Variants in FLT1 observed in about 807,000 individuals in gnomAD.
The protein encoded by FLT1 is vascular endothelial growth factor receptor 1.
In FLT1, 49 loss-of-function variants were observed where a neutral mutation model predicts 156.3. That is an observed-to-expected ratio of 0.31 (90% CI 0.25 to 0.40). The LOEUF (loss-of-function observed/expected upper bound fraction) is 0.40. Ranked by LOEUF, FLT1 falls within the 10% of genes least tolerant of loss-of-function variation. The pLI, the probability that FLT1 is intolerant of heterozygous loss-of-function variation, is 1.00. For missense variants in FLT1, 1,322 were observed against 1,637.2 expected, an observed-to-expected ratio of 0.81 and a Z score of 3.32; for synonymous variants, 594 against 583.8, an observed-to-expected ratio of 1.02 and a Z score of -0.25.
chr13:28,306,533 G>T, intron 29 of FLT1, 145 bp downstream of exon 29: 1 of 688,392 alleles, frequency 1.5e-6, no homozygotes, highest in Non-Finnish European at 2.7e-6. Context: ...TGCCCTCTGG[G>T]GGGAAATGGT....
intron 13 of FLT1, chr13:28,386,789 C>G: frequency 9.5e-7 from 1 of 1,053,290 alleles, no homozygotes. Flanking sequence ...AGAACAGTAT[C>G]ATATTATTAT....
chr13:28,335,158 A>G (rs1872069068), intron 17 of FLT1, among the ~76,000 whole-genome samples: 1 of 152,194 alleles, frequency 6.6e-6, no homozygotes, highest in Admixed American at 6.5e-5. Context: ...AGCTCAATAG[A>G]ACCCAGAGAA....
intron 1 of FLT1, among the ~76,000 whole-genome samples, chr13:28,477,579 C>T (rs913543443): frequency 2.6e-5 from 4 of 152,148 alleles, no homozygotes; most frequent in South Asian, 2.1e-4. Context: ...GGTAGACCTT[C>T]GTCTGGTTAT....
intron 14 of FLT1, among the ~76,000 whole-genome samples, chr13:28,375,373 A>G (rs1228375194): frequency 1.8e-5 from 2 of 113,698 alleles, no homozygotes; most frequent in Non-Finnish European, 3.6e-5. Context: ...AAGCGCATAA[A>G]GCAACATTTT....
chr13:28,388,839 C>T (rs983661086), intron 13 of FLT1: 4 of 1,062,004 alleles, frequency 3.8e-6, no homozygotes, highest in Admixed American at 5.4e-5. Flanking sequence ...TGATGAAGTT[C>T]CTTAAAATAA....
At chr13:28,321,980 GGCCAGATTTGAAAATAT>G (rs1444142188) in intron 22 of FLT1, among the ~76,000 whole-genome samples, 3 of 152,074 alleles carry the variant, frequency 2.0e-5, no homozygotes, top group African/African-American at 7.2e-5. Context: ...CTGAGATTTG[GGCCAGATTTGAAAATAT>G]GCCAGAGGAT....
chr13:28,469,707 C>T (rs184753516), intron 1 of FLT1, among the ~76,000 whole-genome samples: 2 of 152,226 alleles, frequency 1.3e-5, no homozygotes, highest in Admixed American at 6.5e-5. Context: ...TTAACATATG[C>T]TTTTCTGGTA....
intron 15 of FLT1, among the ~76,000 whole-genome samples, chr13:28,349,449 CACACACACACAT>C (rs1055997131): frequency 1.3e-5 from 2 of 150,468 alleles, no homozygotes; most frequent in South Asian, 2.1e-4. Context: ...CACACACACA[CACACACACACAT>C]GCGCACACGC....
At chr13:28,323,042 G>C (rs1871533393) in intron 20 of FLT1, 96 bp from the exon 21 acceptor site, 2 of 1,324,690 alleles carry the variant, frequency 1.5e-6, no homozygotes, top group Admixed American at 3.4e-5. Flanking sequence ...TGAGAAATGA[G>C]AGCGTTTCAC....
chr13:28,326,672 C>G (rs530810991), intron 20 of FLT1, among the ~76,000 whole-genome samples: 1 of 151,766 alleles, frequency 6.6e-6, no homozygotes, highest in African/African-American at 2.4e-5. Flanking sequence ...ATTACAGGCG[C>G]GGGCCACCAC....
intron 1 of FLT1, among the ~76,000 whole-genome samples, chr13:28,480,952 C>T (rs970554703): frequency 6.6e-6 from 1 of 152,200 alleles, no homozygotes; most frequent in Non-Finnish European, 1.5e-5. Context: ...ATGCGTTAGC[C>T]AGGACTTCAT....
chr13:28,411,439 G>A (rs1876167767), intron 10 of FLT1, among the ~76,000 whole-genome samples: 1 of 151,524 alleles, frequency 6.6e-6, no homozygotes, highest in Admixed American at 6.6e-5. Context: ...CCAGCTACTG[G>A]GGAGGCTGAG....
intron 13 of FLT1, chr13:28,386,895 CACT>C: frequency 3.8e-6 from 4 of 1,046,796 alleles, no homozygotes; most frequent in Non-Finnish European, 4.6e-6. Flanking sequence ...TTCCTCAGCA[CACT>C]ATTTCCCATG....
intron 10 of FLT1, among the ~76,000 whole-genome samples, chr13:28,411,615 C>G (rs1323566948): frequency 2.7e-5 from 4 of 149,026 alleles, no homozygotes; most frequent in Non-Finnish European, 4.4e-5. Flanking sequence ...ATTTTTTTCT[C>G]TCCTTGGTAA....
intron 15 of FLT1, among the ~76,000 whole-genome samples, chr13:28,351,269 G>T (rs1400871173): frequency 6.6e-6 from 1 of 152,020 alleles, no homozygotes; most frequent in Admixed American, 6.6e-5. Flanking sequence ...TACTTATGTG[G>T]GTTTATTGCC....
intron 25 of FLT1, among the ~76,000 whole-genome samples, chr13:28,314,804 A>T (rs1871137107): frequency 6.6e-6 from 1 of 152,198 alleles, no homozygotes; most frequent in Non-Finnish European, 1.5e-5. Flanking sequence ...AGAGCTTCTT[A>T]CTTTTTAAAA....
chr13:28,386,978 C>T, intron 13 of FLT1: 1 of 1,042,572 alleles, frequency 9.6e-7, no homozygotes, highest in African/African-American at 1.7e-5. Context: ...ATACAGAGCC[C>T]ACAACACTAA....
chr13:28,302,525 A>G lies in FLT1; in HGVS notation c.*642T>C. On this transcript the variant is annotated 3_prime_UTR_variant, in exon 30 of 30. Coordinates refer to ENST00000282397, the MANE Select transcript of FLT1 (RefSeq NM_002019.4). ...AGAAAATGTCCCCTCATCGCTGTCCATCTGCTCCTGGCTGGGCCCTCAAAT... is the reference window on the plus strand; with the variant it reads ...AGAAAATGTCCCCTCATCGCTGTCCGTCTGCTCCTGGCTGGGCCCTCAAAT... The G allele has an allele frequency of 4.3e-6, 1 of 233,370 alleles. No homozygotes were observed. Among genetic ancestry groups the G allele is most frequent in the Non-Finnish European group, 8.5e-6 (1 of 118,104 alleles). 14.5% of individuals were successfully genotyped at this position (233,370 alleles called of 1,614,324 possible).
At chr13:28,417,991 G>A (rs1182186898) in intron 10 of FLT1, among the ~76,000 whole-genome samples, 1 of 151,792 alleles carries the variant, frequency 6.6e-6, no homozygotes, top group Non-Finnish European at 1.5e-5. Context: ...GGCCCACTGA[G>A]GGCTGAGTGC....
Sources: gnomAD v4.1 joint callset for allele counts (sites outside exome capture counted in the v4.1 genomes callset) on GRCh38, gnomAD v4.1.1 for gene constraint, MANE v1.5 for transcripts, NCBI Gene and HGNC (gene_info 2026-07-23, HGNC 2026-07-21) for gene names.